Variants in CYP4X1 observed in about 807,000 individuals in gnomAD.
CYP4X1 encodes cytochrome P450 4X1.
CYP4X1 carries 44 observed loss-of-function variants against 57.9 expected under a neutral mutation model. The ratio of observed to expected loss-of-function variants is 0.76; its 90% CI spans 0.60 to 0.98. The LOEUF (loss-of-function observed/expected upper bound fraction) is 0.98. CYP4X1 is among the 50% of genes least tolerant of loss of function. The pLI, the probability that CYP4X1 is intolerant of heterozygous loss-of-function variation, is 0.00. For synonymous variants in CYP4X1, 227 were observed against 228.6 expected, an observed-to-expected ratio of 0.99 and a Z score of 0.06; for missense variants, 532 against 623.9, an observed-to-expected ratio of 0.85 and a Z score of 1.57.
At chr1:47,013,795 C>T in the CYP4X1 span, among the ~76,000 whole-genome samples, 28 of 124,816 alleles carry the variant, frequency 2.2e-4, no homozygotes, top group South Asian at 2.9e-3. Context: ...TGGAGTCTTG[C>T]TCTGTCACCC....
chr1:46,975,474 G>A, the CYP4X1 span, among the ~76,000 whole-genome samples: 2 of 151,614 alleles, frequency 1.3e-5, no homozygotes, highest in South Asian at 4.1e-4. Flanking sequence ...TTTTCTTTAA[G>A]GGTGCTAAAT....
chr1:47,018,794 A>T (rs191340926), upstream of CYP4X1, among the ~76,000 whole-genome samples: 2 of 151,186 alleles, frequency 1.3e-5, no homozygotes, highest in African/African-American at 4.9e-5. Context: ...CGGGGAAAAA[A>T]GAAAAAAATT....
the CYP4X1 span, among the ~76,000 whole-genome samples, chr1:47,007,276 C>T: frequency 4.1e-3 from 621 of 152,252 alleles, 1 homozygote; most frequent in African/African-American, 0.013. Context: ...CACCAACATC[C>T]GCTGTTCTGC....
chr1:47,040,407 G>A (rs1273120862), intron 8 of CYP4X1, among the ~76,000 whole-genome samples: 1 of 152,086 alleles, frequency 6.6e-6, no homozygotes, highest in African/African-American at 2.4e-5. Context: ...TGGTCAAAGG[G>A]ACAGAAAGAC....
chr1:46,994,118 G>A, the CYP4X1 span, among the ~76,000 whole-genome samples: 123,635 of 151,984 alleles, frequency 0.81, 54,779 homozygotes, highest in Non-Finnish European at 0.98. Flanking sequence ...TCAGGTGTAA[G>A]GAAGGGATCC....
the CYP4X1 span, among the ~76,000 whole-genome samples, chr1:47,014,656 C>T: frequency 6.6e-6 from 1 of 152,182 alleles, no homozygotes. Context: ...ACTCATCATT[C>T]ATCTTTCATT....
the CYP4X1 span, among the ~76,000 whole-genome samples, chr1:46,971,548 A>G: frequency 6.6e-6 from 1 of 152,198 alleles, no homozygotes; most frequent in Non-Finnish European, 1.5e-5. Context: ...AGCACCATAT[A>G]AGCATTGCCT....
downstream of CYP4X1, among the ~76,000 whole-genome samples, chr1:47,051,732 C>T (rs1376192722): frequency 6.6e-6 from 1 of 152,164 alleles, no homozygotes; most frequent in African/African-American, 2.4e-5. Flanking sequence ...GACCAGTCGT[C>T]CTGTGTGACT....
At chr1:47,002,019 C>A in the CYP4X1 span, among the ~76,000 whole-genome samples, 1 of 152,234 alleles carries the variant, frequency 6.6e-6, no homozygotes, top group African/African-American at 2.4e-5. Flanking sequence ...ATCCAGGCAG[C>A]GTTCGTGATT....
At chr1:46,995,287 T>C in the CYP4X1 span, among the ~76,000 whole-genome samples, 1 of 152,192 alleles carries the variant, frequency 6.6e-6, no homozygotes. Context: ...GCTCATAATT[T>C]AGAGGCTAAA....
chr1:46,972,438 A>G, the CYP4X1 span, among the ~76,000 whole-genome samples: 5 of 152,160 alleles, frequency 3.3e-5, no homozygotes, highest in African/African-American at 9.6e-5. Context: ...GTGGTTCCAA[A>G]TGAATTTTAG....
At chr1:47,021,431 A>G (rs958874167), upstream of CYP4X1, among the ~76,000 whole-genome samples, 3 of 152,210 alleles carry the variant, frequency 2.0e-5, no homozygotes, top group African/African-American at 7.2e-5. Context: ...GACTGAGGCA[A>G]AAAGTGGCAG....
At chr1:47,016,625 A>G in the CYP4X1 span, among the ~76,000 whole-genome samples, 55,736 of 151,748 alleles carry the variant, frequency 0.37, 12,019 homozygotes, top group East Asian at 0.72. Context: ...ACAGGTGTGA[A>G]CCTCTGGCCA....
At chr1:47,020,973 C>G (rs1643989388), upstream of CYP4X1, among the ~76,000 whole-genome samples, 1 of 151,734 alleles carries the variant, frequency 6.6e-6, no homozygotes, top group African/African-American at 2.4e-5. Flanking sequence ...ATGGAAGGAG[C>G]CATCAGATGA....
the CYP4X1 span, among the ~76,000 whole-genome samples, chr1:47,010,362 C>T: frequency 2.0e-5 from 3 of 152,102 alleles, no homozygotes; most frequent in Admixed American, 1.3e-4. Context: ...AATTCAACAA[C>T]CTTCATGCTA....
chr1:47,053,150 G>A (rs532737770), downstream of CYP4X1, among the ~76,000 whole-genome samples: 1 of 151,776 alleles, frequency 6.6e-6, no homozygotes. Flanking sequence ...TCCCACCTAT[G>A]AGTGAGAACA....
the CYP4X1 span, among the ~76,000 whole-genome samples, chr1:46,990,667 T>C: frequency 2.0e-5 from 3 of 152,154 alleles, no homozygotes; most frequent in Non-Finnish European, 4.4e-5. Flanking sequence ...CCATCAATGA[T>C]AGACTGGATA....
At chr1:47,046,989 A>G (rs1644309612) in intron 9 of CYP4X1, among the ~76,000 whole-genome samples, 1 of 152,232 alleles carries the variant, frequency 6.6e-6, no homozygotes, top group Non-Finnish European at 1.5e-5. Flanking sequence ...TGGCCTCATC[A>G]TCATAATATC....
At chr1:47,006,907 G>C in the CYP4X1 span, among the ~76,000 whole-genome samples, 6 of 152,194 alleles carry the variant, frequency 3.9e-5, no homozygotes, top group African/African-American at 7.2e-5. Context: ...GCCGAGGCTT[G>C]AGTAGGTAAA....
Sources: gnomAD v4.1 joint callset for allele counts (sites outside exome capture counted in the v4.1 genomes callset) on GRCh38, gnomAD v4.1.1 for gene constraint, MANE v1.5 for transcripts, NCBI Gene and HGNC (gene_info 2026-07-23, HGNC 2026-07-21) for gene names.